EDIL3: variants seen among roughly 807,000 people sequenced by gnomAD.
The protein encoded by EDIL3 is EGF like and discoidin domains 3.
Under a neutral mutation model 67.4 loss-of-function variants are expected in EDIL3, and 37 were observed. The ratio of observed to expected loss-of-function variants is 0.55; its 90% confidence interval spans 0.42 to 0.72. The LOEUF is 0.72. EDIL3 is among the 30% of genes least tolerant of loss of function. EDIL3 has a pLI of 0.00. For synonymous variants in EDIL3, 195 were observed against 196.3 expected, an observed-to-expected ratio of 0.99 and a Z score of 0.05; for missense variants, 527 against 586.3, an observed-to-expected ratio of 0.90 and a Z score of 1.04.
intron 9 of EDIL3, among the ~76,000 whole-genome samples, chr5:83,965,660 C>T (rs932251011): frequency 3.9e-5 from 6 of 151,960 alleles, no homozygotes; most frequent in Admixed American, 1.3e-4. Context: ...TAAAAGTCAG[C>T]TGGGTTTCCT....
chr5:84,375,338 A>G (rs898626588), intron 1 of EDIL3, among the ~76,000 whole-genome samples: 2 of 152,174 alleles, frequency 1.3e-5, no homozygotes, highest in Non-Finnish European at 2.9e-5. Context: ...TTTGTAAAAT[A>G]CTTAAAATGA....
At chr5:84,165,724 C>T (rs1018459216) in intron 4 of EDIL3, among the ~76,000 whole-genome samples, 1 of 152,114 alleles carries the variant, frequency 6.6e-6, no homozygotes, top group South Asian at 2.1e-4. Context: ...GTTCACGGCT[C>T]CTTCATCTTT....
At chr5:84,039,035 A>G (rs1312291311) in intron 9 of EDIL3, among the ~76,000 whole-genome samples, 3 of 152,164 alleles carry the variant, frequency 2.0e-5, no homozygotes, top group African/African-American at 7.2e-5. Flanking sequence ...GCCCAGGGGT[A>G]AAATGCTATT....
chr5:84,348,458 T>TA (rs1190482221), intron 1 of EDIL3, among the ~76,000 whole-genome samples: 1 of 152,068 alleles, frequency 6.6e-6, no homozygotes, highest in African/African-American at 2.4e-5. Flanking sequence ...TGCAATATTC[T>TA]AAAAAATAAT....
At chr5:84,243,749 C>T (rs1403526400) in intron 2 of EDIL3, among the ~76,000 whole-genome samples, 1 of 152,088 alleles carries the variant, frequency 6.6e-6, no homozygotes, top group Non-Finnish European at 1.5e-5. Flanking sequence ...ATTTTTCTTT[C>T]CAGGCCTTGA....
chr5:84,194,359 A>G (rs990374817), intron 3 of EDIL3, among the ~76,000 whole-genome samples: 5 of 151,932 alleles, frequency 3.3e-5, no homozygotes, highest in Non-Finnish European at 5.9e-5. Flanking sequence ...CTGACTAGAG[A>G]AGCCAGTTTA....
intron 1 of EDIL3, among the ~76,000 whole-genome samples, chr5:84,286,383 T>C (rs964460384): frequency 2.6e-5 from 4 of 151,922 alleles, no homozygotes; most frequent in African/African-American, 9.7e-5. Context: ...TAATGGAAAA[T>C]GAAATAAATA....
chr5:84,147,111 C>T (rs1748302064), intron 4 of EDIL3, among the ~76,000 whole-genome samples: 1 of 152,022 alleles, frequency 6.6e-6, no homozygotes, highest in South Asian at 2.1e-4. Context: ...AATTTCGTCT[C>T]CTAAATATTT....
chr5:83,958,556 G>C (rs1264540826), intron 10 of EDIL3, among the ~76,000 whole-genome samples: 1 of 151,468 alleles, frequency 6.6e-6, no homozygotes, highest in African/African-American at 2.4e-5. Flanking sequence ...AGATGAAATA[G>C]AGTATTACCA....
At chr5:84,247,975 C>G (rs962898305) in intron 2 of EDIL3, among the ~76,000 whole-genome samples, 1 of 151,938 alleles carries the variant, frequency 6.6e-6, no homozygotes, top group Non-Finnish European at 1.5e-5. Flanking sequence ...TGTTTATATT[C>G]TTTGTTTTGT....
At chr5:84,328,573 T>C (rs1746811603) in intron 1 of EDIL3, among the ~76,000 whole-genome samples, 1 of 152,054 alleles carries the variant, frequency 6.6e-6, no homozygotes, top group South Asian at 2.1e-4. Flanking sequence ...GGTGTCCTTA[T>C]ATATATTATT....
At chr5:84,071,531 C>A (rs1746740747) in intron 6 of EDIL3, among the ~76,000 whole-genome samples, 1 of 152,042 alleles carries the variant, frequency 6.6e-6, no homozygotes, top group Admixed American at 6.6e-5. Flanking sequence ...GATAATTGGA[C>A]ATAAAAAGAT....
intron 9 of EDIL3, among the ~76,000 whole-genome samples, chr5:84,012,799 G>T (rs771017272): frequency 3.3e-5 from 5 of 151,872 alleles, no homozygotes; most frequent in Non-Finnish European, 5.9e-5. Flanking sequence ...AGGAATCAAA[G>T]AAATTCCAAA....
intron 9 of EDIL3, among the ~76,000 whole-genome samples, chr5:84,025,570 T>C (rs1233897333): frequency 6.6e-6 from 1 of 152,150 alleles, no homozygotes; most frequent in East Asian, 1.9e-4. Flanking sequence ...ATCCTGAAAC[T>C]ATTCCCAACC....
chr5:84,338,005 C>G (rs1311696174), intron 1 of EDIL3, among the ~76,000 whole-genome samples: 1 of 152,056 alleles, frequency 6.6e-6, no homozygotes, highest in Non-Finnish European at 1.5e-5. Flanking sequence ...AAATACTGAC[C>G]TATACACATA....
intron 7 of EDIL3, among the ~76,000 whole-genome samples, chr5:84,065,426 T>C (rs1392407658): frequency 1.3e-5 from 2 of 152,210 alleles, no homozygotes; most frequent in African/African-American, 4.8e-5. Context: ...TGTGTCATTG[T>C]AAATTCATTA....
intron 4 of EDIL3, among the ~76,000 whole-genome samples, chr5:84,176,281 T>A (rs1352027571): frequency 7.0e-6 from 1 of 142,322 alleles, no homozygotes; most frequent in Non-Finnish European, 1.5e-5. Flanking sequence ...GTATAAAATA[T>A]ATTATATATA....
chr5:84,069,119 T>C (rs541376922), intron 6 of EDIL3, among the ~76,000 whole-genome samples: 27 of 152,330 alleles, frequency 1.8e-4, no homozygotes, highest in Middle Eastern at 3.4e-3. Context: ...TTATTCTCTA[T>C]GAGCTTGGTG....
At chr5:84,148,282 C>G (rs1001637703) in intron 4 of EDIL3, among the ~76,000 whole-genome samples, 2 of 152,104 alleles carry the variant, frequency 1.3e-5, no homozygotes, top group African/African-American at 2.4e-5. Context: ...TTGGGTTTAT[C>G]ATCAGAGTAA....
Sources: allele counts gnomAD v4.1 joint callset (sites outside exome capture counted in the v4.1 genomes callset), GRCh38; gene constraint gnomAD v4.1.1; transcripts MANE v1.5; gene names NCBI Gene and HGNC (gene_info 2026-07-23, HGNC 2026-07-21).